YWHAH: variants seen among roughly 807,000 people sequenced by gnomAD.
YWHAH encodes the protein 14-3-3 protein eta.
YWHAH carries 6 observed loss-of-function variants against 22.9 expected under a neutral mutation model. That is an observed-to-expected ratio of 0.26 (90% CI 0.14 to 0.52). YWHAH has a LOEUF of 0.52. Ranked by LOEUF, YWHAH falls within the 20% of genes least tolerant of loss-of-function variation. The pLI is 0.97. For synonymous variants in YWHAH, 135 were observed against 124.5 expected, an observed-to-expected ratio of 1.08 and a Z score of -0.56; for missense variants, 173 against 308.6, an observed-to-expected ratio of 0.56 and a Z score of 3.29.
intron 1 of YWHAH, chr22:31,950,400 C>T (rs1465192584): frequency 2.6e-6 from 2 of 779,490 alleles, no homozygotes; most frequent in African/African-American, 1.7e-5. Flanking sequence ...CTCCTGGCTG[C>T]AGTGGCATTC....
chr22:31,951,646 T>C (rs1045293335), intron 1 of YWHAH, among the ~76,000 whole-genome samples: 2 of 152,162 alleles, frequency 1.3e-5, no homozygotes, highest in African/African-American at 4.8e-5. Flanking sequence ...GGTTTTTGGG[T>C]AAATGAATAG....
At chr22:31,946,524 A>G (rs1438672822) in intron 1 of YWHAH, among the ~76,000 whole-genome samples, 2 of 150,922 alleles carry the variant, frequency 1.3e-5, no homozygotes, top group East Asian at 1.9e-4. Flanking sequence ...TCTAAGTGAG[A>G]CGTAAAGACT....
Position 31,956,217 on chromosome 22 carries a change from A to C in YWHAH, c.166A>C (p.Arg56=), listed in dbSNP as rs1364598764. ...SVAYKNVVGA[R]RSSWRVISSI... is the part of the protein sequence containing the mutation. The stretch of plus-strand genomic sequence containing the variant: ...GGCCTACAAGAATGTGGTTGGTGCC[A>C]GGCGATCTTCCTGGAGGGTCATTAG... Residue 56 remains arginine (R), a synonymous_variant, in exon 2 of 2, where the codon AGG becomes CGG. Coordinates refer to ENST00000248975, the MANE Select transcript of YWHAH (RefSeq NM_003405.4). The surrounding 1 kb of genome is among the most constrained non-coding windows in gnomAD (Gnocchi z 5.1). The C allele has an allele frequency of 8.1e-6, 13 of 1,614,084 alleles. No individual in the cohort carries two copies. Among genetic ancestry groups the C allele is most frequent in the Admixed American group, 5.0e-5 (3 of 59,994 alleles).
chr22:31,952,410 T>C (rs965912919), intron 1 of YWHAH, among the ~76,000 whole-genome samples: 2 of 152,218 alleles, frequency 1.3e-5, no homozygotes, highest in Admixed American at 6.5e-5. Context: ...GACTGTCTGA[T>C]TTTACATGGG....
At chr22:31,949,136 C>CTTTTTTTTTT (rs760273556) in intron 1 of YWHAH, among the ~76,000 whole-genome samples, 7 of 99,078 alleles carry the variant, frequency 7.1e-5, no homozygotes, top group African/African-American at 1.8e-4. Flanking sequence ...ACATATTTTA[C>CTTTTTTTTTT]TTTTTTTTTT....
chr22:31,949,947 G>A (rs1324499553), intron 1 of YWHAH, among the ~76,000 whole-genome samples: 2 of 145,852 alleles, frequency 1.4e-5, no homozygotes, highest in South Asian at 4.4e-4. Flanking sequence ...TATCTGTTGG[G>A]TGCAAGTCAT....
At chr22:31,945,694 C>A in intron 1 of YWHAH, 3 of 1,243,634 alleles carry the variant, frequency 2.4e-6, no homozygotes, top group Non-Finnish European at 3.1e-6. Flanking sequence ...TGAATATTTC[C>A]TCTCCCTGCG....
chr22:31,950,455 G>A (rs747420732), intron 1 of YWHAH: 6 of 775,304 alleles, frequency 7.7e-6, no homozygotes, highest in Non-Finnish European at 9.6e-6. Context: ...ATCCGAACCT[G>A]GCACAGCTTC....
rs1384812601 is a variant in YWHAH, at chr22:31,944,724, C to T, written c.-10C>T. On this transcript the variant is annotated 5_prime_UTR_variant, in exon 1 of 2. Coordinates refer to ENST00000248975, the MANE Select transcript of YWHAH (RefSeq NM_003405.4). Reference sequence around the variant, plus strand: ...TGTGAGGCGCGAGGCGAGGCCGAGCCGCGAGCGACATGGGGGACCGGGAGC... The same window carrying T: ...TGTGAGGCGCGAGGCGAGGCCGAGCTGCGAGCGACATGGGGGACCGGGAGC... The T allele has an allele frequency of 3.6e-6, 5 of 1,393,056 alleles. No homozygotes were observed. The highest frequency in any genetic ancestry group is 4.7e-6 in the Non-Finnish European group (5 of 1,065,258). 86.3% of individuals were successfully genotyped at this position (1,393,056 alleles called of 1,614,324 possible).
At chr22:31,946,297 A>G (rs980705052) in intron 1 of YWHAH, among the ~76,000 whole-genome samples, 1 of 152,178 alleles carries the variant, frequency 6.6e-6, no homozygotes, top group African/African-American at 2.4e-5. Context: ...GGGTCCTTTA[A>G]AAGAAAATCT....
At chr22:31,944,912 A>C (rs886264466) in intron 1 of YWHAH, 92 bp downstream of exon 1, 6 of 1,155,500 alleles carry the variant, frequency 5.2e-6, no homozygotes, top group Non-Finnish European at 6.4e-6. Flanking sequence ...CCTCCCGGCC[A>C]TGGGCGACCC....
intron 1 of YWHAH, chr22:31,945,753 G>T: frequency 3.5e-6 from 4 of 1,135,494 alleles, no homozygotes; most frequent in Admixed American, 6.2e-5. Flanking sequence ...CCTATGTTCA[G>T]TGTACAACCT....
At chr22:31,950,182 T>TG in intron 1 of YWHAH, 1 of 463,744 alleles carries the variant, frequency 2.2e-6, no homozygotes, top group Non-Finnish European at 4.1e-6. Flanking sequence ...ACATTTTATT[T>TG]GGGGTATTTT....
In YWHAH at chr22:31,956,633, C is replaced by T. The variant is rs748307630; in HGVS notation, c.582C>T (p.Cys194=). The T allele has an allele frequency of 2.5e-6, 4 of 1,614,012 alleles. No homozygotes were observed. The East Asian group carries it at 8.9e-5, about 36-fold the overall frequency. ...TCCAGAATGCACCTGAGCAAGCCTG[C>T]CTCTTAGCCAAACAAGCCTTCGATG... ...YEIQNAPEQA[C]LLAKQAFDDA... is the part of the protein sequence containing the mutation. The change falls in exon 2 of 2, where the codon TGC becomes TGT. Residue 194 remains cysteine (C), a synonymous_variant. Coordinates refer to ENST00000248975, the MANE Select transcript of YWHAH (RefSeq NM_003405.4). The surrounding 1 kb of genome is among the most constrained non-coding windows in gnomAD (Gnocchi z 5.1).
intron 1 of YWHAH, chr22:31,945,738 A>G (rs1359562299): frequency 8.4e-7 from 1 of 1,191,090 alleles, no homozygotes; most frequent in African/African-American, 1.6e-5. Flanking sequence ...AACTGCGACC[A>G]CCAACCTATG....
At position 31,956,113 on chromosome 22, in the gene YWHAH, A is replaced by G. The variant is rs375239461; in HGVS notation, c.88-26A>G. ...CCAAGATTTTCAGATTTTGCTTTCA[A>G]TGTTTATCTTTTTGGGGTTTTGCAG... On this transcript the variant is annotated intron_variant, in intron 1 of 1. Coordinates refer to ENST00000248975, the MANE Select transcript of YWHAH (RefSeq NM_003405.4). The surrounding 1 kb of genome is among the most constrained non-coding windows in gnomAD (Gnocchi z 5.1). 15 of 1,560,700 alleles carry G rather than the reference A, an allele frequency of 9.6e-6. No individual in the cohort carries two copies. The highest frequency in any genetic ancestry group is 1.4e-5 in the African/African-American group (1 of 72,260).
intron 1 of YWHAH, among the ~76,000 whole-genome samples, chr22:31,953,459 G>A (rs147654109): frequency 0.01 from 1,550 of 152,282 alleles, 35 homozygotes; most frequent in African/African-American, 0.036. Flanking sequence ...GGTGTGAGAT[G>A]TGCCACCCTC....
At position 31,944,635 on chromosome 22, in the gene YWHAH, C is replaced by A; in HGVS notation, c.-99C>A. 1 of 953,540 alleles carries A rather than the reference C, an allele frequency of 1.0e-6. No homozygotes were observed. The highest frequency in any genetic ancestry group is 1.3e-6 in the Non-Finnish European group (1 of 757,208). The allele number at this position is 953,540 out of a possible 1,614,324, so 59.1% of individuals were successfully genotyped here. A position where few individuals can be genotyped will look rare whatever the true frequency, so the allele number is the denominator to read the frequency against. ...CGGCCGGCGAGCCAGTGCGCGTGCG[C>A]GGCGGCGGCCTCCGCAGCGACCGGG... On this transcript the variant is annotated 5_prime_UTR_variant, in exon 1 of 2. Transcript: ENST00000248975.
intron 1 of YWHAH, chr22:31,950,222 T>C: frequency 1.5e-6 from 1 of 672,820 alleles, no homozygotes; most frequent in Non-Finnish European, 2.8e-6. Flanking sequence ...TTGGCACCAG[T>C]TGTTTCTCCA....
Sources: gnomAD v4.1 joint callset for allele counts (sites outside exome capture counted in the v4.1 genomes callset) on GRCh38, gnomAD v4.1.1 for gene constraint, Gnocchi (gnomAD v3.1) non-coding constraint, MANE v1.5 for transcripts, NCBI Gene and HGNC (gene_info 2026-07-23, HGNC 2026-07-21) for gene names.